TMEM207: variants seen among roughly 807,000 people sequenced by gnomAD.
TMEM207 encodes the protein SRSR846.
TMEM207 carries 15 observed loss-of-function variants against 17.4 expected under a neutral mutation model. The ratio of observed to expected loss-of-function variants is 0.86; its 90% CI spans 0.58 to 1.33. The LOEUF (loss-of-function observed/expected upper bound fraction) is 1.33, where lower values mean the gene tolerates loss of function less well. Among genes scored for constraint, TMEM207 ranks in the 40% most tolerant of loss-of-function variants. The probability of loss-of-function intolerance (pLI) is 0.00; values close to 1 mark genes in which losing one functional copy is unlikely to be tolerated. For synonymous variants in TMEM207, 70 were observed against 65.6 expected (o/e 1.07, Z -0.33); for missense variants, 205 against 173.8 (o/e 1.18, Z -1.01).
chr3:190,441,562 G>T, intron 2 of TMEM207, 80 bp from the exon 3 acceptor site: 2 of 1,125,290 alleles, frequency 1.8e-6, no homozygotes, highest in South Asian at 2.7e-5. Flanking sequence ...AATTGGTACT[G>T]ATCACACTTG....
intron 4 of TMEM207, 107 bp downstream of exon 4, chr3:190,440,137 A>G: frequency 7.3e-7 from 1 of 1,378,602 alleles, no homozygotes; most frequent in Non-Finnish European, 9.8e-7. Context: ...CCAATAAGCC[A>G]CATCTTTTTC....
chr3:190,431,442 A>T lies in TMEM207; in HGVS notation c.305-1711T>A, dbSNP rs1309772058. 6.6e-5 allele frequency among the ~76,000 whole-genome samples: 10 copies of T among 152,140 alleles called. No individual in the cohort carries two copies. In the South Asian group the frequency reaches 2.1e-3, roughly 32 times the overall value. ...CAATCCATCCTCTTTTCATAGTTAA[A>T]TAATGATTTAAACATTATTATTATT... On this transcript the variant is annotated intron_variant, in intron 4 of 4. Transcript: ENST00000354905.
intron 2 of TMEM207, among the ~76,000 whole-genome samples, chr3:190,447,021 A>G (rs1720066077): frequency 6.6e-6 from 1 of 152,174 alleles, no homozygotes; most frequent in Non-Finnish European, 1.5e-5. Context: ...TGTTAACAAT[A>G]AGAAGATCCA....
intron 4 of TMEM207, among the ~76,000 whole-genome samples, chr3:190,439,044 G>T (rs2108535206): frequency 6.6e-6 from 1 of 152,068 alleles, no homozygotes; most frequent in African/African-American, 2.4e-5. Flanking sequence ...GGGCGTGGTG[G>T]CGGGCGCCTG....
intron 2 of TMEM207, among the ~76,000 whole-genome samples, chr3:190,443,210 G>T (rs1336108768): frequency 6.8e-6 from 1 of 146,510 alleles, no homozygotes; most frequent in Non-Finnish European, 1.5e-5. Flanking sequence ...CTAAGCTCAT[G>T]GTCAGGAGTA....
Position 190,429,571 on chromosome 3 carries a change from T to C in TMEM207, c.*24A>G. 1 of 1,612,554 alleles carries C rather than the reference T, an allele frequency of 6.2e-7. No homozygotes were observed. Among genetic ancestry groups the C allele is most frequent in the Non-Finnish European group, 8.5e-7 (1 of 1,179,184 alleles). ...GGAATTACAGATGTCGTTAATACTT[T>C]AAATTGATAATCCACACCTAAAATC... On this transcript the variant is annotated 3_prime_UTR_variant, in exon 5 of 5. Coordinates refer to ENST00000354905, the MANE Select transcript of TMEM207 (RefSeq NM_207316.3).
intron 4 of TMEM207, among the ~76,000 whole-genome samples, chr3:190,439,070 G>T (rs904343352): frequency 1.9e-3 from 288 of 151,712 alleles, no homozygotes; most frequent in Non-Finnish European, 2.3e-3. Flanking sequence ...CCAGCTACTC[G>T]GGAGGCTGAG....
intron 2 of TMEM207, among the ~76,000 whole-genome samples, chr3:190,443,562 A>G (rs966682355): frequency 2.6e-5 from 4 of 152,092 alleles, no homozygotes; most frequent in African/African-American, 9.7e-5. Context: ...ACAGTGTACC[A>G]CTGAGACTTA....
chr3:190,445,096 C>CCCAGGT (rs2108538791), intron 2 of TMEM207, among the ~76,000 whole-genome samples: 1 of 152,276 alleles, frequency 6.6e-6, no homozygotes. Context: ...AGGAGTCTGT[C>CCCAGGT]CCAGGTCCAA....
chr3:190,443,276 C>T (rs973401855), intron 2 of TMEM207, among the ~76,000 whole-genome samples: 1 of 151,682 alleles, frequency 6.6e-6, no homozygotes, highest in African/African-American at 2.4e-5. Flanking sequence ...GAAAATAGCC[C>T]CTTTACTTAT....
At chr3:190,434,106 T>A (rs1255466718) in intron 4 of TMEM207, among the ~76,000 whole-genome samples, 1 of 152,160 alleles carries the variant, frequency 6.6e-6, no homozygotes, top group Non-Finnish European at 1.5e-5. Flanking sequence ...CCCAGTCTGG[T>A]ATTTATTTAT....
rs758835122 is a variant in TMEM207 at position 190,429,577 on chromosome 3, G to A, written c.*18C>T. On this transcript the variant is annotated 3_prime_UTR_variant, in exon 5 of 5. Transcript: ENST00000354905. Reference sequence around the variant, plus strand: ...ACAGATGTCGTTAATACTTTAAATTGATAATCCACACCTAAAATCAGGTTG... The same window carrying A: ...ACAGATGTCGTTAATACTTTAAATTAATAATCCACACCTAAAATCAGGTTG... 4 of 1,612,284 alleles carry A rather than the reference G, an allele frequency of 2.5e-6. No homozygotes were observed. Among genetic ancestry groups the A allele is most frequent in the Admixed American group, 3.3e-5 (2 of 59,828 alleles).
At chr3:190,447,648 A>G (rs1720078791) in intron 2 of TMEM207, 142 bp downstream of exon 2, 3 of 683,678 alleles carry the variant, frequency 4.4e-6, no homozygotes, top group African/African-American at 3.7e-5. Context: ...AGCCATCTGC[A>G]TTTACAAACC....
rs1299914947 is a variant in TMEM207 at position 190,440,274 on chromosome 3, A to G, written c.274T>C (p.Phe92Leu). ...IDSHRRTMAV[F>L]AVGDLDSIYG... ...ATAGAGTCCAAGTCTCCAACAGCAA[A>G]AACTGCCATGGTGCGCCTGTGAGAA... Residue 92 changes from phenylalanine (F) to leucine (L), a missense_variant, in exon 4 of 5, where the codon TTT becomes CTT. Coordinates refer to ENST00000354905, the MANE Select transcript of TMEM207 (RefSeq NM_207316.3). 6.2e-7 allele frequency: 1 copy of G among 1,614,030 alleles called. No homozygotes were observed. Among genetic ancestry groups the G allele is most frequent in the Non-Finnish European group, 8.5e-7 (1 of 1,179,974 alleles).
rs768237516 is a variant in TMEM207 at position 190,429,627 on chromosome 3, G to A, written c.409C>T (p.Pro137Ser). 1.1e-5 allele frequency: 17 copies of A among 1,613,546 alleles called. No individual in the cohort carries two copies. The highest frequency in any genetic ancestry group is 1.4e-5 in the Non-Finnish European group (17 of 1,179,650). ...APCFGPLGSP[P>S]PYEEIVKTT ...GTTTTTACAATTTCTTCATATGGAGGTGGGGAGCCTAAAGGGCCAAAACAT... is the reference window on the plus strand; with the variant it reads ...GTTTTTACAATTTCTTCATATGGAGATGGGGAGCCTAAAGGGCCAAAACAT... Residue 137 changes from proline (P) to serine (S), a missense_variant, in exon 5 of 5, where the codon CCT becomes TCT. Physicochemically the swap from Pro to Ser is moderately conservative, Grantham distance 74 (BLOSUM62 -1). Transcript: ENST00000354905.
At position 190,428,673 on chromosome 3, in the gene TMEM207, G is replaced by A. The variant is rs1719622358; in HGVS notation, c.*922C>T. 6.6e-6 allele frequency: 1 copy of A among 152,138 alleles called. No individual in the cohort carries two copies. Among genetic ancestry groups the A allele is most frequent in the Non-Finnish European group, 1.5e-5 (1 of 68,014 alleles). 9.4% of individuals were successfully genotyped at this position (152,138 alleles called of 1,614,324 possible). A position where few individuals can be genotyped will look rare whatever the true frequency, so the allele number is the denominator to read the frequency against. ...AACTAAATTTTAGATATCTATTGAT[G>A]TTTATTGTTTTGTTCAACAAATTTG... is the stretch of plus-strand genomic sequence containing the variant. On this transcript the variant is annotated 3_prime_UTR_variant, in exon 5 of 5. Coordinates refer to ENST00000354905, the MANE Select transcript of TMEM207 (RefSeq NM_207316.3).
intron 4 of TMEM207, among the ~76,000 whole-genome samples, chr3:190,434,641 C>G (rs1719762245): frequency 6.6e-6 from 1 of 152,188 alleles, no homozygotes; most frequent in African/African-American, 2.4e-5. Context: ...TACCTCAACA[C>G]AGATACTGAA....
chr3:190,447,594 A>G (rs531299143), intron 2 of TMEM207, among the ~76,000 whole-genome samples, 196 bp downstream of exon 2: 1 of 152,218 alleles, frequency 6.6e-6, no homozygotes, highest in South Asian at 2.1e-4. Flanking sequence ...AACAAAGCTG[A>G]TCGTAATGAA....
At chr3:190,443,085 A>T (rs1719967702) in intron 2 of TMEM207, among the ~76,000 whole-genome samples, 1 of 152,084 alleles carries the variant, frequency 6.6e-6, no homozygotes, top group Non-Finnish European at 1.5e-5. Context: ...TTAAAAATAT[A>T]CATTTTTTAA....
Sources: allele counts gnomAD v4.1 joint callset (sites outside exome capture counted in the v4.1 genomes callset), GRCh38; gene constraint gnomAD v4.1.1; transcripts MANE v1.5; gene names NCBI Gene and HGNC (gene_info 2026-07-23, HGNC 2026-07-21).